CLOCK: variants seen among roughly 807,000 people sequenced by gnomAD.
CLOCK encodes the protein circadian locomoter output cycles protein kaput.
In CLOCK, 43 loss-of-function variants were observed where a neutral mutation model predicts 118.4. The ratio of observed to expected loss-of-function variants is 0.36; its 90% CI spans 0.28 to 0.47. CLOCK has a LOEUF of 0.47. Among genes scored for constraint, CLOCK ranks in the 20% least tolerant of loss-of-function variants. The pLI, the probability that CLOCK is intolerant of heterozygous loss-of-function variation, is 1.00. For synonymous variants in CLOCK, 326 were observed against 339.2 expected (o/e 0.96, Z 0.43); for missense variants, 846 against 999.9 (o/e 0.85, Z 2.08).
chr4:55,494,002 A>AAT (rs1362813827), intron 2 of CLOCK, among the ~76,000 whole-genome samples: 1 of 152,196 alleles, frequency 6.6e-6, no homozygotes, highest in African/African-American at 2.4e-5. Context: ...CGATTCAACT[A>AAT]ATATATATTT....
intron 18 of CLOCK, among the ~76,000 whole-genome samples, chr4:55,447,941 T>C (rs1035791169): frequency 2.6e-5 from 4 of 152,182 alleles, no homozygotes; most frequent in African/African-American, 9.7e-5. Context: ...AGTCATAAAT[T>C]ACAAGTTGGG....
intron 3 of CLOCK, among the ~76,000 whole-genome samples, chr4:55,487,095 A>C (rs1025308916): frequency 6.6e-6 from 1 of 151,880 alleles, no homozygotes; most frequent in African/African-American, 2.4e-5. Context: ...TGAATTTTTC[A>C]TTTCTAATTT....
chr4:55,530,024 G>C (rs985906894), intron 1 of CLOCK, among the ~76,000 whole-genome samples: 2 of 152,218 alleles, frequency 1.3e-5, no homozygotes, highest in Non-Finnish European at 1.5e-5. Flanking sequence ...TATTCTGCTA[G>C]TAAGTATCCC....
intron 1 of CLOCK, among the ~76,000 whole-genome samples, chr4:55,527,700 A>C (rs1394866932): frequency 6.6e-6 from 1 of 152,218 alleles, no homozygotes; most frequent in Non-Finnish European, 1.5e-5. Flanking sequence ...TATGATATTA[A>C]GGAAGTATCG....
chr4:55,484,972 CTCTT>C (rs902893304), intron 3 of CLOCK, among the ~76,000 whole-genome samples: 8 of 151,686 alleles, frequency 5.3e-5, no homozygotes, highest in Non-Finnish European at 5.9e-5. Flanking sequence ...CTCTCTCTCT[CTCTT>C]TTTTTGAGAC....
chr4:55,505,816 T>C (rs1728761354), intron 2 of CLOCK, among the ~76,000 whole-genome samples: 1 of 101,394 alleles, frequency 9.9e-6, no homozygotes, highest in African/African-American at 3.0e-5. Context: ...TCCTTTATCC[T>C]GATTTGACCA....
At chr4:55,448,131 T>C (rs138834902) in intron 18 of CLOCK, among the ~76,000 whole-genome samples, 80 of 152,348 alleles carry the variant, frequency 5.3e-4, no homozygotes, top group African/African-American at 1.8e-3. Context: ...TCAACTTACA[T>C]ACTTTCAGCA....
chr4:55,535,276 T>C (rs1730820600), intron 1 of CLOCK, among the ~76,000 whole-genome samples: 1 of 152,190 alleles, frequency 6.6e-6, no homozygotes, highest in African/African-American at 2.4e-5. Context: ...ATTGGGCAGA[T>C]TTTAACATAT....
intron 7 of CLOCK, among the ~76,000 whole-genome samples, chr4:55,472,987 A>G (rs780352047): frequency 1.3e-5 from 2 of 152,198 alleles, no homozygotes; most frequent in Non-Finnish European, 2.9e-5. Flanking sequence ...GCACTTTGGG[A>G]GGCCAAGGTT....
At chr4:55,528,322 G>A (rs187055047) in intron 1 of CLOCK, among the ~76,000 whole-genome samples, 92 of 150,340 alleles carry the variant, frequency 6.1e-4, no homozygotes, top group African/African-American at 2.1e-3. Flanking sequence ...CTCCAGCCTG[G>A]GAAACAAGAG....
intron 4 of CLOCK, among the ~76,000 whole-genome samples, chr4:55,480,293 C>G (rs766163352): frequency 2.0e-5 from 3 of 152,162 alleles, no homozygotes; most frequent in Non-Finnish European, 2.9e-5. Flanking sequence ...GAGACAGGGT[C>G]TTACTCTGCT....
chr4:55,467,063 T>C (rs961645278), intron 8 of CLOCK, among the ~76,000 whole-genome samples: 1 of 152,156 alleles, frequency 6.6e-6, no homozygotes, highest in Non-Finnish European at 1.5e-5. Context: ...TGTACTACCT[T>C]GTCCATTTTT....
intron 1 of CLOCK, among the ~76,000 whole-genome samples, chr4:55,519,140 C>T (rs147312938): frequency 3.3e-4 from 50 of 152,310 alleles, no homozygotes; most frequent in African/African-American, 1.1e-3. Context: ...CCGCCTCAAA[C>T]TCCTGGGCTC....
chr4:55,483,493 AG>A, intron 3 of CLOCK, among the ~76,000 whole-genome samples: 1 of 152,306 alleles, frequency 6.6e-6, no homozygotes, highest in South Asian at 2.1e-4. Flanking sequence ...TTGTTTTCAA[AG>A]GCAAAATCTT....
chr4:55,446,796 C>T (rs1723888333), intron 18 of CLOCK, among the ~76,000 whole-genome samples: 1 of 152,100 alleles, frequency 6.6e-6, no homozygotes, highest in African/African-American at 2.4e-5. Flanking sequence ...GAAAGAGTTT[C>T]ACTTTATTGG....
chr4:55,541,204 TA>T (rs1354924248), intron 1 of CLOCK, among the ~76,000 whole-genome samples: 1 of 152,216 alleles, frequency 6.6e-6, no homozygotes, highest in Non-Finnish European at 1.5e-5. Flanking sequence ...TCACAGAAGT[TA>T]CACCTAATAG....
chr4:55,494,348 T>C (rs538677283), intron 2 of CLOCK, among the ~76,000 whole-genome samples: 1 of 152,260 alleles, frequency 6.6e-6, no homozygotes, highest in East Asian at 1.9e-4. Flanking sequence ...AGATGTTATG[T>C]CACATGGCAA....
At chr4:55,504,883 C>A (rs989999451) in intron 2 of CLOCK, among the ~76,000 whole-genome samples, 16 of 152,024 alleles carry the variant, frequency 1.1e-4, no homozygotes, top group African/African-American at 3.9e-4. Flanking sequence ...CTTATTAAAT[C>A]CAGCAAAGAA....
chr4:55,478,798 CAG>C lies in CLOCK; in HGVS notation c.256+15_256+16del, dbSNP rs1385222740. ...TGCTTTGAGAGTCTGTTCCATTTTA[CAG>C]AGTTAAAAATTTACCTTTATGTTTT... On this transcript the variant is annotated intron_variant, in intron 6 of 22. Coordinates refer to ENST00000513440, the MANE Select transcript of CLOCK (RefSeq NM_004898.4). 6.2e-7 allele frequency: 1 copy of C among 1,609,728 alleles called. No homozygotes were observed. The highest frequency in any genetic ancestry group is 8.5e-7 in the Non-Finnish European group (1 of 1,177,232).
Sources: gnomAD v4.1 joint callset for allele counts (sites outside exome capture counted in the v4.1 genomes callset) on GRCh38, gnomAD v4.1.1 for gene constraint, MANE v1.5 for transcripts, NCBI Gene and HGNC (gene_info 2026-07-23, HGNC 2026-07-21) for gene names.